Variants in RYR2 observed in about 807,000 individuals in gnomAD.
The protein encoded by RYR2 is cardiac muscle ryanodine receptor-calcium release channel.
In RYR2, 227 loss-of-function variants were observed where a neutral mutation model predicts 601.1. The ratio of observed to expected loss-of-function variants is 0.38; its 90% CI spans 0.34 to 0.42. The LOEUF (loss-of-function observed/expected upper bound fraction) is 0.42. Ranked by LOEUF, RYR2 falls within the 10% of genes least tolerant of loss-of-function variation. The probability of loss-of-function intolerance (pLI) is 1.00; values close to 1 mark genes in which losing one functional copy is unlikely to be tolerated. For missense variants in RYR2, 4,646 were observed against 6,156.5 expected (o/e 0.75, Z 8.21); for synonymous variants, 2,223 against 2,175.1 (o/e 1.02, Z -0.61).
At chr1:237,727,285 T>G in intron 76 of RYR2, 86 bp downstream of exon 76, 2 of 534,442 alleles carry the variant, frequency 3.7e-6, no homozygotes, top group South Asian at 4.3e-5. Flanking sequence ...TTAATAGGGG[T>G]ACAATAGTCC....
At chr1:237,582,091 AT>A (rs1673972327) in intron 29 of RYR2, among the ~76,000 whole-genome samples, 1 of 151,334 alleles carries the variant, frequency 6.6e-6, no homozygotes, top group East Asian at 1.9e-4. Flanking sequence ...TTTATTTTTT[AT>A]TTTTATTTTA....
chr1:237,681,783 C>A (rs1464459), intron 62 of RYR2, among the ~76,000 whole-genome samples: 30,599 of 151,990 alleles, frequency 0.2, 3,934 homozygotes, highest in East Asian at 0.52. Flanking sequence ...ATTTCATAAG[C>A]ACCACATCCA....
intron 1 of RYR2, among the ~76,000 whole-genome samples, chr1:237,073,056 G>A (rs2148338705): frequency 6.6e-6 from 1 of 152,088 alleles, no homozygotes; most frequent in East Asian, 1.9e-4. Flanking sequence ...ACCGCACGCT[G>A]AACTAGACAC....
chr1:237,496,788 A>G, intron 20 of RYR2, 36 bp downstream of exon 20: 6 of 1,582,224 alleles, frequency 3.8e-6, no homozygotes, highest in Non-Finnish European at 5.2e-6. Flanking sequence ...CGTGTTCCAG[A>G]AGATCTTTTG....
At chr1:237,374,448 A>G (rs1700870277) in intron 6 of RYR2, among the ~76,000 whole-genome samples, 1 of 152,138 alleles carries the variant, frequency 6.6e-6, no homozygotes, top group African/African-American at 2.4e-5. Context: ...ACTTGAGTCT[A>G]GGAGTTCAAG....
chr1:237,340,767 C>CT (rs1296405056), intron 3 of RYR2, among the ~76,000 whole-genome samples: 4 of 152,214 alleles, frequency 2.6e-5, no homozygotes, highest in Non-Finnish European at 5.9e-5. Context: ...TGTCCAAAGC[C>CT]TCTGTATATA....
chr1:237,428,798 A>G (rs1706482359), intron 12 of RYR2, among the ~76,000 whole-genome samples: 1 of 152,136 alleles, frequency 6.6e-6, no homozygotes, highest in African/African-American at 2.4e-5. Context: ...GTAAGTTGTT[A>G]AATTTACATA....
At chr1:237,446,904 G>A (rs1240816082) in intron 14 of RYR2, among the ~76,000 whole-genome samples, 1 of 151,980 alleles carries the variant, frequency 6.6e-6, no homozygotes, top group Non-Finnish European at 1.5e-5. Context: ...ACATTTTAAT[G>A]CATTATAAAA....
chr1:237,603,319 T>C (rs148909805), intron 35 of RYR2, among the ~76,000 whole-genome samples: 2,309 of 152,074 alleles, frequency 0.015, 19 homozygotes, highest in Non-Finnish European at 0.024. Flanking sequence ...GTAGAATAAG[T>C]GGGAGGCCCC....
intron 25 of RYR2, among the ~76,000 whole-genome samples, chr1:237,544,974 G>A (rs1388719670): frequency 6.6e-6 from 1 of 152,166 alleles, no homozygotes; most frequent in South Asian, 2.1e-4. Flanking sequence ...TTCAGGTGAA[G>A]TGAGAGTTTG....
intron 79 of RYR2, among the ~76,000 whole-genome samples, chr1:237,736,510 G>A (rs1407038936): frequency 6.6e-6 from 1 of 151,916 alleles, no homozygotes; most frequent in Non-Finnish European, 1.5e-5. Flanking sequence ...AGGGAAGAAG[G>A]GAAGGCTGCC....
chr1:237,692,931 A>G (rs1272473763), intron 63 of RYR2, among the ~76,000 whole-genome samples: 1 of 152,042 alleles, frequency 6.6e-6, no homozygotes, highest in African/African-American at 2.4e-5. Flanking sequence ...TTCCTGTTGC[A>G]CTCTCAGTGC....
At chr1:237,565,083 C>A (rs1247266165) in intron 27 of RYR2, among the ~76,000 whole-genome samples, 1 of 151,182 alleles carries the variant, frequency 6.6e-6, no homozygotes. Flanking sequence ...CAAATAGGAA[C>A]TTCCTTCTTC....
rs1218556750 is a variant in RYR2 at position 237,654,344 on chromosome 1, C to T, written c.7895C>T (p.Ala2632Val). 24 of 1,613,950 alleles carry T rather than the reference C, an allele frequency of 1.5e-5. No homozygotes were observed. Among genetic ancestry groups the T allele is most frequent in the Non-Finnish European group, 2.0e-5 (24 of 1,179,854 alleles). ...CCTGGAGGGTGGGGAAACTTTGGTG[C>T]TGCCTCAGAAGAAGAACTTCATTTA... ...CLPGGWGNFGAASEEELHLSR... is the reference protein window; with the variant it reads ...CLPGGWGNFGVASEEELHLSR... The change falls in exon 52 of 105, where the codon GCT (alanine) becomes GTT (valine). Residue 2632 changes from alanine (A) to valine (V), a missense_variant. By Grantham distance (64) the Ala-to-Val change is moderately conservative. Coordinates refer to ENST00000366574, the MANE Select transcript of RYR2 (RefSeq NM_001035.3).
At chr1:237,381,090 A>T (rs536617410) in intron 8 of RYR2, among the ~76,000 whole-genome samples, 1 of 152,026 alleles carries the variant, frequency 6.6e-6, no homozygotes, top group East Asian at 1.9e-4. Context: ...AAAGAAAAAA[A>T]AGAAATGATC....
rs1428072554 is a variant in RYR2, at chr1:237,496,546, G to T, written c.1997G>T (p.Gly666Val). The T allele has an allele frequency of 1.2e-6, 2 of 1,613,968 alleles. No individual in the cohort carries two copies. Among genetic ancestry groups the T allele is most frequent in the Non-Finnish European group, 1.7e-6 (2 of 1,179,888 alleles). ...RPNIFLGVSE[G>V]SAQYKKWYYE... Reference sequence around the variant, plus strand: ...AATATTTTTCTGGGCGTCAGTGAAGGTTCTGCTCAGTATAAGAAATGGTAC... The same window carrying T: ...AATATTTTTCTGGGCGTCAGTGAAGTTTCTGCTCAGTATAAGAAATGGTAC... Residue 666 changes from glycine (G) to valine (V), a missense_variant, in exon 20 of 105, where the codon GGT becomes GTT. By Grantham distance (109) the Gly-to-Val change is moderately radical. Coordinates refer to ENST00000366574, the MANE Select transcript of RYR2 (RefSeq NM_001035.3).
rs1693381681 is a variant in RYR2 at position 237,760,939 on chromosome 1, T to TC, written c.11403-13dup. 6.5e-7 allele frequency: 1 copy of TC among 1,527,238 alleles called. No individual in the cohort carries two copies. The highest frequency in any genetic ancestry group is 2.4e-5 in the East Asian group (1 of 41,318). The allele number at this position is 1,527,238 out of a possible 1,614,324, so 94.6% of individuals were successfully genotyped here. A position where few individuals can be genotyped will look rare whatever the true frequency, so the allele number is the denominator to read the frequency against. ...TATTAGTCCTCTAAATGTTTTTTTT[T>TC]CCCTTGTTATTATAGTGTCCTTGAC... On this transcript the variant is annotated splice_polypyrimidine_tract_variant and intron_variant, in intron 83 of 104. Coordinates refer to ENST00000366574, the MANE Select transcript of RYR2 (RefSeq NM_001035.3).
chr1:237,633,671 C>A lies in RYR2; in HGVS notation c.6649C>A (p.His2217Asn). ...SRQNQKAMFDHLSYLLENSSV... is the reference protein window; with the variant it reads ...SRQNQKAMFDNLSYLLENSSV... ...GCAGAATCAAAAAGCTATGTTTGATCATCTCAGTTATTTACTGGAAAACAG... is the reference window on the plus strand; with the variant it reads ...GCAGAATCAAAAAGCTATGTTTGATAATCTCAGTTATTTACTGGAAAACAG... The change falls in exon 43 of 105, where the codon CAT becomes AAT. Residue 2217 changes from histidine (H) to asparagine (N), a missense_variant. Around this residue, in one of 17 missense-constraint regions of RYR2, gnomAD observed 137 missense variants for 273.6 expected, o/e 0.50. Coordinates refer to ENST00000366574, the MANE Select transcript of RYR2 (RefSeq NM_001035.3). 1 of 1,613,790 alleles carries A rather than the reference C, an allele frequency of 6.2e-7. No individual in the cohort carries two copies. The highest frequency in any genetic ancestry group is 1.1e-5 in the South Asian group (1 of 91,058).
At chr1:237,794,993 C>G (rs1367817545) in intron 95 of RYR2, among the ~76,000 whole-genome samples, 3 of 152,116 alleles carry the variant, frequency 2.0e-5, no homozygotes, top group African/African-American at 7.2e-5. Context: ...GGTCTATGTA[C>G]TGATATGTTA....
Sources: gnomAD v4.1 joint callset for allele counts (sites outside exome capture counted in the v4.1 genomes callset) on GRCh38, gnomAD v4.1.1 for gene constraint, gnomAD v4.1.1 regional missense constraint, MANE v1.5 for transcripts, NCBI Gene and HGNC (gene_info 2026-07-23, HGNC 2026-07-21) for gene names.